The following BAZ2B variants were observed in gnomAD, a reference collection of about 807,000 sequenced individuals.
The protein encoded by BAZ2B is bromodomain adjacent to zinc finger domain 2B.
Under a neutral mutation model 246.0 loss-of-function variants are expected in BAZ2B, and 91 were observed. That is an observed-to-expected ratio of 0.37 (90% CI 0.31 to 0.44). The LOEUF (loss-of-function observed/expected upper bound fraction) is 0.44, where lower values mean the gene tolerates loss of function less well. BAZ2B is among the 20% of genes least tolerant of loss of function. The pLI is 1.00. For synonymous variants in BAZ2B, 855 were observed against 860.0 expected (o/e 0.99, Z 0.10); for missense variants, 2,332 against 2,533.7 (o/e 0.92, Z 1.71).
At chr2:159,389,235 T>C (rs945389209) in intron 21 of BAZ2B, 110 bp downstream of exon 21, 3 of 1,142,128 alleles carry the variant, frequency 2.6e-6, no homozygotes, top group Non-Finnish European at 3.6e-6. Flanking sequence ...TTCACTGCTA[T>C]AGTTAAAAAT....
At chr2:159,630,830 G>A in the BAZ2B span, among the ~76,000 whole-genome samples, 7 of 151,870 alleles carry the variant, frequency 4.6e-5, no homozygotes, top group African/African-American at 4.8e-5. Context: ...CACCGCGCCC[G>A]GCCAGACTAA....
At chr2:159,577,153 A>G (rs1326956917) in intron 1 of BAZ2B, among the ~76,000 whole-genome samples, 1 of 152,096 alleles carries the variant, frequency 6.6e-6, no homozygotes, top group Admixed American at 6.5e-5. Context: ...ACTTGAGCCC[A>G]GGGGGTCAAG....
intron 3 of BAZ2B, chr2:159,463,329 T>C: frequency 3.7e-6 from 1 of 267,690 alleles, no homozygotes; most frequent in Non-Finnish European, 7.4e-6. Flanking sequence ...TTGTTAATCG[T>C]TCTGCAATGA....
chr2:159,324,614 C>T (rs73967816), intron 36 of BAZ2B, among the ~76,000 whole-genome samples, 197 bp downstream of exon 36: 2,225 of 141,776 alleles, frequency 0.016, 57 homozygotes, highest in African/African-American at 0.054. Context: ...TACTATTCTA[C>T]TCTAACCAAA....
At chr2:159,511,216 T>C (rs1204843480) in intron 2 of BAZ2B, among the ~76,000 whole-genome samples, 1 of 152,160 alleles carries the variant, frequency 6.6e-6, no homozygotes, top group African/African-American at 2.4e-5. Flanking sequence ...CTTTCTTTCT[T>C]TTTTGAGATG....
At chr2:159,601,661 C>A (rs932292907) in intron 1 of BAZ2B, among the ~76,000 whole-genome samples, 2 of 152,106 alleles carry the variant, frequency 1.3e-5, no homozygotes, top group Non-Finnish European at 2.9e-5. Flanking sequence ...GCAGAGGTTG[C>A]AGTGAGCCGA....
At chr2:159,654,581 A>G in the BAZ2B span, among the ~76,000 whole-genome samples, 15 of 152,198 alleles carry the variant, frequency 9.9e-5, no homozygotes, top group African/African-American at 3.1e-4. Flanking sequence ...GTGAGGAAGT[A>G]TAAGTTTTCT....
At chr2:159,363,592 A>C (rs944890627) in intron 27 of BAZ2B, among the ~76,000 whole-genome samples, 1 of 152,178 alleles carries the variant, frequency 6.6e-6, no homozygotes, top group African/African-American at 2.4e-5. Flanking sequence ...AAATATAAAG[A>C]AAGAAGGAAC....
At chr2:159,629,575 C>A in the BAZ2B span, among the ~76,000 whole-genome samples, 1 of 151,774 alleles carries the variant, frequency 6.6e-6, no homozygotes, top group South Asian at 2.1e-4. Flanking sequence ...AACACAAGAA[C>A]AGAAAAGCAA....
intron 8 of BAZ2B, chr2:159,435,514 C>T (rs557163915): frequency 6.6e-6 from 1 of 152,368 alleles, no homozygotes; most frequent in East Asian, 1.9e-4. Context: ...CCCCACCACG[C>T]CCAGCTAATA....
intron 31 of BAZ2B, among the ~76,000 whole-genome samples, chr2:159,341,499 C>T (rs1045834714): frequency 2.0e-5 from 3 of 152,118 alleles, no homozygotes; most frequent in African/African-American, 7.2e-5. Context: ...AACAAAGTAA[C>T]ATCAAATTTA....
rs527953878 is a variant in BAZ2B, at chr2:159,323,048, T to C, written c.6353+1763A>G. ...CTCTGTTGCCCAGGCTGGAGTGCAG[T>C]GGCGAGGTAACTCACTGCAACCTGC... On this transcript the variant is annotated intron_variant, in intron 36 of 36. Transcript: ENST00000392783. 2.1e-5 allele frequency among the ~76,000 whole-genome samples: 3 copies of C among 145,738 alleles called. No homozygotes were observed. In the South Asian group the frequency reaches 6.4e-4, roughly 31 times the overall value.
intron 4 of BAZ2B, among the ~76,000 whole-genome samples, chr2:159,448,981 G>A (rs1577149961): frequency 6.6e-6 from 1 of 151,954 alleles, no homozygotes; most frequent in East Asian, 1.9e-4. Context: ...TAAAAAATAA[G>A]TTCTCAAAGG....
intron 31 of BAZ2B, among the ~76,000 whole-genome samples, chr2:159,338,933 TC>T (rs1298672429): frequency 1.3e-5 from 2 of 152,190 alleles, no homozygotes; most frequent in Non-Finnish European, 2.9e-5. Flanking sequence ...ATGTCTGATC[TC>T]CCTATTATAT....
At position 159,431,160 on chromosome 2, in the gene BAZ2B, G is replaced by A; in HGVS notation, c.1901-4C>T. 1 of 1,596,642 alleles carries A rather than the reference G, an allele frequency of 6.3e-7. No individual in the cohort carries two copies. The highest frequency in any genetic ancestry group is 8.5e-7 in the Non-Finnish European group (1 of 1,171,070). On this transcript the variant is annotated splice_region_variant and splice_polypyrimidine_tract_variant and intron_variant, in intron 9 of 36. Transcript: ENST00000392783. ...GATTCTGAATTACTATCTGATTCTG[G>A]GAAGTAAAAGAAGCATTTGTATATT...
chr2:159,360,435 C>T (rs1354429927), intron 27 of BAZ2B, among the ~76,000 whole-genome samples: 1 of 152,180 alleles, frequency 6.6e-6, no homozygotes, highest in Non-Finnish European at 1.5e-5. Flanking sequence ...CTATAAACCA[C>T]TGCTCAAGGA....
the BAZ2B span, among the ~76,000 whole-genome samples, chr2:159,696,639 C>T: frequency 6.6e-6 from 1 of 152,314 alleles, no homozygotes; most frequent in African/African-American, 2.4e-5. Flanking sequence ...TCCCAGATCA[C>T]CCTTGCTTTC....
the BAZ2B span, among the ~76,000 whole-genome samples, chr2:159,707,065 T>C: frequency 6.6e-6 from 1 of 152,190 alleles, no homozygotes; most frequent in Non-Finnish European, 1.5e-5. Flanking sequence ...CACAGACAGA[T>C]AATGTATTGT....
chr2:159,365,794 T>C (rs1015576412), intron 27 of BAZ2B, among the ~76,000 whole-genome samples: 5 of 152,226 alleles, frequency 3.3e-5, no homozygotes, highest in Non-Finnish European at 5.9e-5. Context: ...ACCACATAGG[T>C]TGTCCTTAAA....
Sources: gnomAD v4.1 joint callset for allele counts (sites outside exome capture counted in the v4.1 genomes callset) on GRCh38, gnomAD v4.1.1 for gene constraint, MANE v1.5 for transcripts, NCBI Gene and HGNC (gene_info 2026-07-23, HGNC 2026-07-21) for gene names.